The following GALNT13 variants were observed in gnomAD, a reference collection of about 807,000 sequenced individuals.
The protein encoded by GALNT13 is UDP-GalNAc:polypeptide N-acetylgalactosaminyltransferase 13.
GALNT13 carries 28 observed loss-of-function variants against 64.2 expected under a neutral mutation model. That is an observed-to-expected ratio of 0.44 (90% CI 0.32 to 0.60). The LOEUF is 0.60. Ranked by LOEUF, GALNT13 falls within the 20% of genes least tolerant of loss-of-function variation. The pLI is 0.05. For missense variants in GALNT13, 577 were observed against 669.8 expected (o/e 0.86, Z 1.53); for synonymous variants, 214 against 224.6 (o/e 0.95, Z 0.42).
intron 4 of GALNT13, among the ~76,000 whole-genome samples, chr2:154,228,080 A>G (rs1573916501): frequency 6.6e-6 from 1 of 152,080 alleles, no homozygotes; most frequent in South Asian, 2.1e-4. Context: ...GATGAATCCA[A>G]TTTTTCTGAA....
At chr2:153,918,110 G>T (rs1157855661) in intron 2 of GALNT13, among the ~76,000 whole-genome samples, 1 of 152,082 alleles carries the variant, frequency 6.6e-6, no homozygotes, top group Admixed American at 6.6e-5. Flanking sequence ...TTAACTAGGA[G>T]TTCATTGAGA....
At chr2:153,192,770 G>A in the GALNT13 span, among the ~76,000 whole-genome samples, 7 of 151,788 alleles carry the variant, frequency 4.6e-5, no homozygotes, top group Non-Finnish European at 4.4e-5. Flanking sequence ...TCTTTTTACT[G>A]TTTTTGTCTT....
the GALNT13 span, among the ~76,000 whole-genome samples, chr2:153,470,616 G>A: frequency 2.0e-5 from 3 of 152,092 alleles, no homozygotes; most frequent in Admixed American, 6.6e-5. Flanking sequence ...TCTTTCATGC[G>A]TGATGCACCT....
chr2:153,292,560 G>A, the GALNT13 span, among the ~76,000 whole-genome samples: 4 of 152,152 alleles, frequency 2.6e-5, no homozygotes, highest in Admixed American at 6.5e-5. Flanking sequence ...AGAAAAGCCA[G>A]CAAAGAGCTG....
the GALNT13 span, among the ~76,000 whole-genome samples, chr2:153,355,469 A>T: frequency 6.6e-6 from 1 of 152,222 alleles, no homozygotes; most frequent in Non-Finnish European, 1.5e-5. Context: ...AATGCTTAGA[A>T]CATAGATATT....
At chr2:154,365,699 C>T (rs910196182) in intron 9 of GALNT13, among the ~76,000 whole-genome samples, 1 of 152,150 alleles carries the variant, frequency 6.6e-6, no homozygotes, top group Non-Finnish European at 1.5e-5. Flanking sequence ...CTTAAGTCAT[C>T]GACTTAGGAT....
At chr2:153,292,206 C>G in the GALNT13 span, among the ~76,000 whole-genome samples, 1 of 152,012 alleles carries the variant, frequency 6.6e-6, no homozygotes, top group African/African-American at 2.4e-5. Flanking sequence ...TGTTTCACCA[C>G]CAAGGTTCTC....
chr2:153,800,689 G>A, the GALNT13 span, among the ~76,000 whole-genome samples: 53 of 152,184 alleles, frequency 3.5e-4, no homozygotes, highest in Middle Eastern at 3.4e-3. Context: ...TCAAGAAACC[G>A]CTTTCTTTGC....
chr2:154,037,693 A>G (rs1213025005), intron 3 of GALNT13, among the ~76,000 whole-genome samples: 1 of 152,238 alleles, frequency 6.6e-6, no homozygotes, highest in African/African-American at 2.4e-5. Flanking sequence ...AAAAATCATT[A>G]TCATTCATAT....
the GALNT13 span, among the ~76,000 whole-genome samples, chr2:153,257,996 G>A: frequency 0.028 from 4,308 of 152,104 alleles, 83 homozygotes; most frequent in Non-Finnish European, 0.041. Context: ...TTTCTAACAG[G>A]CCCAGGAGCC....
the GALNT13 span, among the ~76,000 whole-genome samples, chr2:153,455,557 G>T: frequency 6.6e-6 from 1 of 152,174 alleles, no homozygotes; most frequent in Non-Finnish European, 1.5e-5. Flanking sequence ...ATAGGTGAGC[G>T]GGTACAGGAA....
chr2:153,466,725 T>C, the GALNT13 span, among the ~76,000 whole-genome samples: 1 of 152,100 alleles, frequency 6.6e-6, no homozygotes, highest in Non-Finnish European at 1.5e-5. Context: ...TCTCATTCTG[T>C]ACTTGGGCAG....
At chr2:153,153,679 T>TTG in the GALNT13 span, among the ~76,000 whole-genome samples, 92 of 150,092 alleles carry the variant, frequency 6.1e-4, no homozygotes, top group African/African-American at 2.2e-3. Context: ...TTTTTTTTTT[T>TTG]GTCAGGTTTG....
At chr2:153,607,098 T>G in the GALNT13 span, among the ~76,000 whole-genome samples, 1 of 151,936 alleles carries the variant, frequency 6.6e-6, no homozygotes, top group South Asian at 2.1e-4. Flanking sequence ...ATTGAAGTTG[T>G]TTGTCAAAAT....
chr2:153,742,566 C>T, the GALNT13 span, among the ~76,000 whole-genome samples: 1 of 152,080 alleles, frequency 6.6e-6, no homozygotes, highest in East Asian at 1.9e-4. Context: ...TTTTTAAACC[C>T]TGACTCCCCT....
chr2:153,944,440 A>T lies in GALNT13; in HGVS notation c.-58A>T. The T allele has an allele frequency of 6.5e-7, 1 of 1,544,748 alleles. No individual in the cohort carries two copies. The highest frequency in any genetic ancestry group is 1.4e-5 in the African/African-American group (1 of 73,148). Reference sequence around the variant, plus strand: ...CTTGGAGTTCACCTGTGTGGCTTGGATTTATCACAGTAGCATTTGTCTTCA... The same window carrying T: ...CTTGGAGTTCACCTGTGTGGCTTGGTTTTATCACAGTAGCATTTGTCTTCA... On this transcript the variant is annotated 5_prime_UTR_variant, in exon 3 of 13. Coordinates refer to ENST00000392825, the MANE Select transcript of GALNT13 (RefSeq NM_052917.4).
chr2:153,260,989 T>C, the GALNT13 span, among the ~76,000 whole-genome samples: 1 of 152,200 alleles, frequency 6.6e-6, no homozygotes, highest in African/African-American at 2.4e-5. Context: ...GTTAAGAGAC[T>C]CTGATGCATT....
chr2:154,167,417 A>G (rs1394843689), intron 4 of GALNT13, among the ~76,000 whole-genome samples: 1 of 152,094 alleles, frequency 6.6e-6, no homozygotes, highest in African/African-American at 2.4e-5. Context: ...TACTAACTGA[A>G]CTTTGTTGAT....
the GALNT13 span, among the ~76,000 whole-genome samples, chr2:153,689,577 T>A: frequency 6.6e-6 from 1 of 152,094 alleles, no homozygotes; most frequent in Non-Finnish European, 1.5e-5. Flanking sequence ...CAAATTTAAA[T>A]CTATAACACT....
Sources: gnomAD v4.1 joint callset for allele counts (sites outside exome capture counted in the v4.1 genomes callset) on GRCh38, gnomAD v4.1.1 for gene constraint, MANE v1.5 for transcripts, NCBI Gene and HGNC (gene_info 2026-07-23, HGNC 2026-07-21) for gene names.